Variants in DIAPH3 observed in about 807,000 individuals in gnomAD.
DIAPH3 encodes the protein diaphanous related formin 3.
DIAPH3 carries 117 observed loss-of-function variants against 144.3 expected under a neutral mutation model. The observed-to-expected ratio is 0.81, with a 90% CI of 0.70 to 0.95. The LOEUF is 0.95. Ranked by LOEUF, DIAPH3 falls within the 40% of genes least tolerant of loss-of-function variation. DIAPH3 has a pLI of 0.00. For missense variants in DIAPH3, 1,421 were observed against 1,412.7 expected, an observed-to-expected ratio of 1.01 and a Z score of -0.09; for synonymous variants, 519 against 488.9, an observed-to-expected ratio of 1.06 and a Z score of -0.81.
intron 20 of DIAPH3, among the ~76,000 whole-genome samples, chr13:59,893,334 G>C (rs1327067262): frequency 6.6e-6 from 1 of 152,130 alleles, no homozygotes; most frequent in Non-Finnish European, 1.5e-5. Context: ...TTTAACAAAA[G>C]AGGGATTATG....
intron 27 of DIAPH3, among the ~76,000 whole-genome samples, chr13:59,761,425 T>C (rs1310614308): frequency 6.6e-6 from 1 of 152,110 alleles, no homozygotes; most frequent in East Asian, 1.9e-4. Flanking sequence ...ACCTTTGCTC[T>C]AAAAAGTAAA....
At chr13:59,785,300 G>A (rs2038976816) in intron 25 of DIAPH3, among the ~76,000 whole-genome samples, 1 of 152,144 alleles carries the variant, frequency 6.6e-6, no homozygotes, top group Admixed American at 6.5e-5. Context: ...ATATATTTCT[G>A]TTACAAGTTA....
intron 27 of DIAPH3, among the ~76,000 whole-genome samples, chr13:59,676,522 A>C (rs1366818379): frequency 1.3e-5 from 2 of 152,226 alleles, no homozygotes; most frequent in African/African-American, 4.8e-5. Context: ...TTCAGTGATC[A>C]TGAGTTGAAA....
chr13:59,910,969 A>G (rs1490513103), intron 20 of DIAPH3, among the ~76,000 whole-genome samples: 1 of 151,990 alleles, frequency 6.6e-6, no homozygotes, highest in Non-Finnish European at 1.5e-5. Flanking sequence ...TGAATTTTTA[A>G]AATTCTGTCA....
chr13:59,830,947 C>A (rs2041742236), intron 24 of DIAPH3, among the ~76,000 whole-genome samples: 1 of 151,818 alleles, frequency 6.6e-6, no homozygotes, highest in Non-Finnish European at 1.5e-5. Context: ...GGAACACAAA[C>A]TGTAGAATAC....
At chr13:59,811,877 G>C (rs564259758) in intron 24 of DIAPH3, among the ~76,000 whole-genome samples, 1 of 151,650 alleles carries the variant, frequency 6.6e-6, no homozygotes, top group Admixed American at 6.6e-5. Context: ...TATTTCTTAA[G>C]TGTTATACAC....
Position 60,091,896 on chromosome 13 carries a change from A to G in DIAPH3, c.495+1732T>C, listed in dbSNP as rs1252464807. ...CTCACTCTGTCACCCAGGCTGGAGT[A>G]CAGTGATGTGATCGAAGTTCACTGC... On this transcript the variant is annotated intron_variant, in intron 4 of 27. Transcript: ENST00000400324. 1.2e-4 allele frequency among the ~76,000 whole-genome samples: 18 copies of G among 151,710 alleles called. No homozygotes were observed. The East Asian group carries it at 3.4e-3, about 28-fold the overall frequency.
chr13:60,099,740 T>G (rs897328153), intron 3 of DIAPH3, among the ~76,000 whole-genome samples: 3 of 152,170 alleles, frequency 2.0e-5, no homozygotes, highest in African/African-American at 4.8e-5. Context: ...AATTAAAATC[T>G]ATATCTAAAC....
chr13:59,698,878 C>T (rs755161402), intron 27 of DIAPH3, among the ~76,000 whole-genome samples: 16 of 152,086 alleles, frequency 1.1e-4, no homozygotes, highest in African/African-American at 2.9e-4. Flanking sequence ...AATAATGATT[C>T]GGGAAGTTAA....
intron 27 of DIAPH3, among the ~76,000 whole-genome samples, chr13:59,756,468 A>AGAAGGAAGGAAGGAAGGAAAGAAG (rs1181203552): frequency 1.1e-5 from 1 of 92,290 alleles, no homozygotes; most frequent in Non-Finnish European, 2.4e-5. Flanking sequence ...AAGGAAGGAA[A>AGAAGGAAGGAAGGAAGGAAAGAAG]GAAGGAAGGA....
intron 20 of DIAPH3, among the ~76,000 whole-genome samples, chr13:59,889,707 C>T (rs1462448173): frequency 1.2e-4 from 19 of 152,028 alleles, no homozygotes; most frequent in Admixed American, 1.2e-3. Flanking sequence ...TATAACCACT[C>T]TCAGTTCTGT....
chr13:60,113,502 C>G (rs2058625168), intron 2 of DIAPH3, among the ~76,000 whole-genome samples: 1 of 152,172 alleles, frequency 6.6e-6, no homozygotes, highest in African/African-American at 2.4e-5. Flanking sequence ...GTACTGCACT[C>G]ACCCATGGTC....
chr13:59,807,321 T>C (rs1157452013), intron 25 of DIAPH3, among the ~76,000 whole-genome samples: 3 of 152,080 alleles, frequency 2.0e-5, no homozygotes, highest in Non-Finnish European at 4.4e-5. Flanking sequence ...CCCTAGATTA[T>C]TTTAAATCCC....
chr13:59,865,658 T>C (rs1246256229), intron 21 of DIAPH3, among the ~76,000 whole-genome samples: 2 of 151,970 alleles, frequency 1.3e-5, no homozygotes, highest in African/African-American at 4.8e-5. Flanking sequence ...ACTCTGTTCA[T>C]TCCAGACAAA....
Position 59,958,471 on chromosome 13 carries a change from T to A in DIAPH3, c.2074+11473A>T, listed in dbSNP as rs2049538390. ...CTTTTAAAAGTTAATAATGTATAAA[T>A]CTTTTCTCTAGATTAGAACTAGTTT... On this transcript the variant is annotated intron_variant, in intron 17 of 27. Coordinates refer to ENST00000400324, the MANE Select transcript of DIAPH3 (RefSeq NM_001042517.2). Among the ~76,000 whole-genome samples the A allele has an allele frequency of 2.0e-5, 3 of 152,272 alleles. No individual in the cohort carries two copies. In the East Asian group the frequency reaches 5.8e-4, roughly 29 times the overall value.
At chr13:59,811,962 G>T (rs1406654000) in intron 24 of DIAPH3, among the ~76,000 whole-genome samples, 1 of 152,028 alleles carries the variant, frequency 6.6e-6, no homozygotes, top group Non-Finnish European at 1.5e-5. Context: ...CCAACAAAGA[G>T]AGTAACATTA....
chr13:60,047,305 C>A (rs2056121452), intron 4 of DIAPH3, among the ~76,000 whole-genome samples: 1 of 151,634 alleles, frequency 6.6e-6, no homozygotes, highest in Non-Finnish European at 1.5e-5. Context: ...CAATGATTAC[C>A]GTCAAAATCC....
chr13:59,958,829 T>C (rs1350143284), intron 17 of DIAPH3, among the ~76,000 whole-genome samples: 8 of 151,628 alleles, frequency 5.3e-5, no homozygotes, highest in African/African-American at 1.7e-4. Context: ...CAAAAACATA[T>C]GTTAATGTGA....
Position 59,779,731 on chromosome 13 carries a change from C to T in DIAPH3, c.3164-4908G>A, listed in dbSNP as rs148452768. Among the ~76,000 whole-genome samples the T allele has an allele frequency of 8.9e-3, 1,353 of 152,138 alleles. 11 individuals are homozygous for T. Among genetic ancestry groups the T allele is most frequent in the Middle Eastern group, 0.054 (16 of 294 alleles). On this transcript the variant is annotated intron_variant, in intron 25 of 27. Coordinates refer to ENST00000400324, the MANE Select transcript of DIAPH3 (RefSeq NM_001042517.2). ...TTCACCATGTTGGCCAGGCTGGTCT[C>T]GAACTCCTGACCTCAGGTTATCTGC...
Sources: allele counts gnomAD v4.1 joint callset (sites outside exome capture counted in the v4.1 genomes callset), GRCh38; gene constraint gnomAD v4.1.1; transcripts MANE v1.5; gene names NCBI Gene and HGNC (gene_info 2026-07-23, HGNC 2026-07-21).